The following ERICH1 variants were observed in gnomAD, a reference collection of about 807,000 sequenced individuals.
ERICH1 encodes the protein glutamate-rich protein 1.
ERICH1 carries 56 observed loss-of-function variants against 39.6 expected under a neutral mutation model. That is an observed-to-expected ratio of 1.41 (90% CI 1.14 to 1.77). The LOEUF is 1.77. Among genes scored for constraint, ERICH1 ranks in the 40% most tolerant of loss-of-function variants. ERICH1 has a pLI of 0.00. For synonymous variants in ERICH1, 313 were observed against 223.6 expected (o/e 1.40, Z -3.57); for missense variants, 826 against 575.4 (o/e 1.44, Z -4.45).
At chr8:634,609 G>C (rs1798282440) in intron 3 of ERICH1, among the ~76,000 whole-genome samples, 1 of 152,160 alleles carries the variant, frequency 6.6e-6, no homozygotes, top group African/African-American at 2.4e-5. Flanking sequence ...GCGTGCAGTA[G>C]GTGCCCACTG....
At chr8:681,485 G>C (rs1563249094) in intron 3 of ERICH1, among the ~76,000 whole-genome samples, 1 of 152,204 alleles carries the variant, frequency 6.6e-6, no homozygotes, top group Non-Finnish European at 1.5e-5. Flanking sequence ...ACCTTCCTTG[G>C]GGATTGGAGT....
Position 716,026 on chromosome 8 carries a change from A to G in ERICH1, c.23-19T>C. Reference sequence around the variant, plus strand: ...ACAAACACTGTACAGACAACCGATTAAAAGAAAAGGAGGAAAAGGAATGAA... The same window carrying G: ...ACAAACACTGTACAGACAACCGATTGAAAGAAAAGGAGGAAAAGGAATGAA... On this transcript the variant is annotated intron_variant, in intron 1 of 5. Transcript: ENST00000262109. 1.3e-6 allele frequency: 2 copies of G among 1,576,318 alleles called. No individual in the cohort carries two copies. The highest frequency in any genetic ancestry group is 1.7e-6 in the Non-Finnish European group (2 of 1,165,536).
chr8:652,892 C>T (rs148899287), intron 3 of ERICH1, among the ~76,000 whole-genome samples: 20 of 152,282 alleles, frequency 1.3e-4, no homozygotes, highest in East Asian at 7.7e-4. Flanking sequence ...ATCAAAACCA[C>T]GAGGTGCTGC....
chr8:707,301 G>A (rs1253830116), intron 2 of ERICH1, among the ~76,000 whole-genome samples: 8 of 149,774 alleles, frequency 5.3e-5, no homozygotes, highest in South Asian at 2.1e-4. Flanking sequence ...TCTGCCTCCC[G>A]GGTTCAAGCG....
intron 2 of ERICH1, among the ~76,000 whole-genome samples, chr8:703,525 ACT>A (rs1812622476): frequency 6.6e-6 from 1 of 151,966 alleles, no homozygotes; most frequent in Admixed American, 6.6e-5. Context: ...ACCGGGACTC[ACT>A]CTCTGCAAAG....
intron 3 of ERICH1, chr8:625,679 C>T (rs1797564785): frequency 6.6e-6 from 1 of 152,232 alleles, no homozygotes; most frequent in African/African-American, 2.4e-5. Context: ...ACTCACACAT[C>T]TTCTTTAGAC....
intron 2 of ERICH1, among the ~76,000 whole-genome samples, chr8:699,808 C>G: frequency 1.4e-5 from 1 of 69,702 alleles, no homozygotes; most frequent in Admixed American, 1.6e-4. Flanking sequence ...CACACGCGCA[C>G]AGATCCGCAC....
At chr8:675,260 CCCCTCGTGAGGACAGAGACGCGGCGG>C (rs1804479309) in intron 3 of ERICH1, among the ~76,000 whole-genome samples, 1 of 5,706 alleles carries the variant, frequency 1.8e-4, no homozygotes, top group Non-Finnish European at 3.3e-4. Flanking sequence ...GACGCGGCGG[CCCCTCGTGAGGACAGAGACGCGGCGG>C]CCCCTCGGCG....
At chr8:721,058 G>A (rs761974604) in intron 1 of ERICH1, among the ~76,000 whole-genome samples, 3 of 152,126 alleles carry the variant, frequency 2.0e-5, no homozygotes, top group Non-Finnish European at 4.4e-5. Context: ...CCTGTAAACA[G>A]GCACAAAAAC....
At chr8:726,487 C>T (rs1407481058) in intron 1 of ERICH1, among the ~76,000 whole-genome samples, 2 of 151,758 alleles carry the variant, frequency 1.3e-5, no homozygotes, top group Non-Finnish European at 2.9e-5. Context: ...CACACAGGCA[C>T]ACATGCATGC....
chr8:634,664 C>T (rs539859238), intron 3 of ERICH1, among the ~76,000 whole-genome samples: 3 of 152,252 alleles, frequency 2.0e-5, no homozygotes, highest in Admixed American at 6.5e-5. Context: ...CCAGCCCCCA[C>T]GATGGGTGGG....
chr8:718,723 C>A (rs559164654), intron 1 of ERICH1, among the ~76,000 whole-genome samples: 1 of 152,188 alleles, frequency 6.6e-6, no homozygotes, highest in Non-Finnish European at 1.5e-5. Flanking sequence ...CCCAGCCTCA[C>A]GACCTGAAAG....
chr8:639,035 C>T (rs1378851492), intron 3 of ERICH1, among the ~76,000 whole-genome samples: 2 of 152,168 alleles, frequency 1.3e-5, no homozygotes, highest in African/African-American at 2.4e-5. Context: ...CAACGGAAGC[C>T]GTCTCTCAAG....
intron 2 of ERICH1, among the ~76,000 whole-genome samples, chr8:699,856 C>CGCGCAGACACCCTCACAG (rs1811397884): frequency 1.3e-5 from 1 of 79,370 alleles, no homozygotes; most frequent in Non-Finnish European, 2.9e-5. Flanking sequence ...GACCCGCACA[C>CGCGCAGACACCCTCACAG]GCGCACAGAC....
Position 622,685 on chromosome 8 carries a change from G to T in ERICH1, c.977-7401C>A, listed in dbSNP as rs186627207. Among the ~76,000 whole-genome samples, 57 of 152,282 alleles carry T rather than the reference G, an allele frequency of 3.7e-4. 1 individual carries two copies. The highest frequency in any genetic ancestry group is 6.8e-3 in the Middle Eastern group (2 of 294). On this transcript the variant is annotated intron_variant, in intron 3 of 3. Transcript: ENST00000522706. Reference sequence around the variant, plus strand: ...ACATTTAAAAAGGCAGGGCACAGTGGCTCACACCTGTAATCCCAGAACTTT... The same window carrying T: ...ACATTTAAAAAGGCAGGGCACAGTGTCTCACACCTGTAATCCCAGAACTTT...
intron 1 of ERICH1, among the ~76,000 whole-genome samples, chr8:719,002 G>A (rs1294417170): frequency 2.6e-5 from 4 of 152,160 alleles, no homozygotes; most frequent in Non-Finnish European, 4.4e-5. Flanking sequence ...GTTTGTCAGT[G>A]CACATGCCAA....
intron 3 of ERICH1, among the ~76,000 whole-genome samples, chr8:685,480 G>C (rs1247135793): frequency 6.6e-6 from 1 of 152,144 alleles, no homozygotes; most frequent in Non-Finnish European, 1.5e-5. Flanking sequence ...GAAGATGATG[G>C]GATTAAGAGA....
chr8:624,854 G>A lies in ERICH1; in HGVS notation c.977-9570C>T, dbSNP rs1476118152. ...CCATTCTCCTGCCTCAGCCTCCAGA[G>A]TAGCTGGGACTACAGGTGCCCGCCA... On this transcript the variant is annotated intron_variant, in intron 3 of 3. Coordinates refer to the ERICH1 transcript ENST00000522706. Among the ~76,000 whole-genome samples the A allele has an allele frequency of 3.3e-5, 5 of 152,218 alleles. No homozygotes were observed. In the East Asian group the frequency reaches 9.7e-4, roughly 29 times the overall value.
intron 2 of ERICH1, among the ~76,000 whole-genome samples, chr8:696,285 C>T (rs1297726156): frequency 2.4e-5 from 2 of 82,880 alleles, no homozygotes; most frequent in Non-Finnish European, 2.3e-5. Flanking sequence ...TCGCTCCTCT[C>T]ACCCTTCACT....
Sources: allele counts gnomAD v4.1 joint callset (sites outside exome capture counted in the v4.1 genomes callset), GRCh38; gene constraint gnomAD v4.1.1; transcripts MANE v1.5; gene names NCBI Gene and HGNC (gene_info 2026-07-23, HGNC 2026-07-21).